TRAF6: variants seen among roughly 807,000 people sequenced by gnomAD.
The protein encoded by TRAF6 is TNF receptor-associated factor 6.
In TRAF6, 10 loss-of-function variants were observed where a neutral mutation model predicts 48.4. That is an observed-to-expected ratio of 0.21 (90% confidence interval 0.13 to 0.35). The LOEUF is 0.35. Among genes scored for constraint, TRAF6 ranks in the 10% least tolerant of loss-of-function variants. The pLI, the probability that TRAF6 is intolerant of heterozygous loss-of-function variation, is 1.00. For missense variants in TRAF6, 397 were observed against 661.0 expected (o/e 0.60, Z 4.38); for synonymous variants, 186 against 219.6 (o/e 0.85, Z 1.35).
chr11:36,484,182 T>C lies in TRAF6; in HGVS notation c.*5656A>G, dbSNP rs1344290792. 6.6e-6 allele frequency among the ~76,000 whole-genome samples: 1 copy of C among 152,228 alleles called. No homozygotes were observed. Among genetic ancestry groups the C allele is most frequent in the African/African-American group, 2.4e-5 (1 of 41,460 alleles). On this transcript the variant is annotated 3_prime_UTR_variant, in exon 7 of 7. Coordinates refer to ENST00000526995, the MANE Select transcript of TRAF6 (RefSeq NM_004620.4). ...GTTTTATGCGCTCCGTGCATGCTGATGGTGCAGGGAGTGGTGGAAGATGTG... is the reference window on the plus strand; with the variant it reads ...GTTTTATGCGCTCCGTGCATGCTGACGGTGCAGGGAGTGGTGGAAGATGTG...
chr11:36,505,051 G>A (rs559920490), intron 1 of TRAF6, among the ~76,000 whole-genome samples: 11 of 152,324 alleles, frequency 7.2e-5, no homozygotes, highest in Non-Finnish European at 1.3e-4. Flanking sequence ...AGCACAGGCA[G>A]AGTAGATTTA....
rs1252147771 is a variant in TRAF6, at chr11:36,507,692, A to ATATATGTATACATACACGC, written c.-23+2355_-23+2356insGCGTGTATGTATACATATA. ...GCGTGTATATATGTATACATACACG[A>ATATATGTATACATACACGC]GCGTGTATATATGTATACATACACG... On this transcript the variant is annotated intron_variant, in intron 1 of 6. Transcript: ENST00000526995. 1.2e-4 allele frequency among the ~76,000 whole-genome samples: 5 copies of ATATATGTATACATACACGC among 40,528 alleles called. 2 individuals carry two copies. The highest frequency in any genetic ancestry group is 5.7e-4 in the African/African-American group (5 of 8,798). 26.6% of individuals were successfully genotyped at this position (40,528 alleles called of 152,430 possible). A position where few individuals can be genotyped will look rare whatever the true frequency, so the allele number is the denominator to read the frequency against.
At chr11:36,508,528 G>A (rs899438382) in intron 1 of TRAF6, among the ~76,000 whole-genome samples, 1 of 152,120 alleles carries the variant, frequency 6.6e-6, no homozygotes, top group Non-Finnish European at 1.5e-5. Context: ...AAGGAGGTAT[G>A]TGCCAAGTTA....
Position 36,490,347 on chromosome 11 carries a change from T to C in TRAF6, c.1060A>G (p.Ile354Val). The change falls in exon 7 of 7, where the codon ATT becomes GTT. Residue 354 changes from isoleucine (I) to valine (V), a missense_variant. Physicochemically the swap from Ile to Val is conservative, Grantham distance 29 (BLOSUM62 3). Transcript: ENST00000526995. This position sits in a 1 kb window ranked among gnomAD's most constrained non-coding sequence, Gnocchi z 6.4. Reference sequence around the variant, plus strand: ...ATTCCAAAGTTGCCAATCTTCCAAATATAAATTCCATTGCACTGCTGTGCT... The same window carrying C: ...ATTCCAAAGTTGCCAATCTTCCAAACATAAATTCCATTGCACTGCTGTGCT... ...IEAQQCNGIY[I>V]WKIGNFGMHL... 2.5e-6 allele frequency: 4 copies of C among 1,614,210 alleles called. No homozygotes were observed. Among genetic ancestry groups the C allele is most frequent in the Non-Finnish European group, 3.4e-6 (4 of 1,180,044 alleles).
intron 1 of TRAF6, among the ~76,000 whole-genome samples, chr11:36,506,727 G>A (rs1859789626): frequency 6.6e-6 from 1 of 152,148 alleles, no homozygotes; most frequent in South Asian, 2.1e-4. Flanking sequence ...TGGGAATGCA[G>A]TGTGACACAT....
chr11:36,497,037 C>A (rs1859647047), intron 4 of TRAF6, 71 bp downstream of exon 4: 1 of 1,494,028 alleles, frequency 6.7e-7, no homozygotes, highest in Non-Finnish European at 9.1e-7. Context: ...TACTGCTAAC[C>A]CCCTCAAGTA....
At chr11:36,506,990 G>C (rs1026680300) in intron 1 of TRAF6, among the ~76,000 whole-genome samples, 2 of 151,622 alleles carry the variant, frequency 1.3e-5, no homozygotes, top group African/African-American at 2.4e-5. Context: ...TTTAAGAACT[G>C]CAATGACTTA....
At chr11:36,492,300 G>A (rs1258859113) in intron 6 of TRAF6, among the ~76,000 whole-genome samples, 1 of 152,076 alleles carries the variant, frequency 6.6e-6, no homozygotes, top group African/African-American at 2.4e-5. Flanking sequence ...TCTCTCCTTT[G>A]TCTTCTTGGA....
At chr11:36,497,874 T>G (rs1161003994) in intron 3 of TRAF6, among the ~76,000 whole-genome samples, 1 of 151,658 alleles carries the variant, frequency 6.6e-6, no homozygotes, top group Non-Finnish European at 1.5e-5. Context: ...GATTAAAATG[T>G]GACACTTGTA....
intron 5 of TRAF6, among the ~76,000 whole-genome samples, chr11:36,492,913 C>T (rs1469302337): frequency 1.3e-5 from 2 of 152,110 alleles, no homozygotes; most frequent in Non-Finnish European, 2.9e-5. Context: ...TCTAGTGGCA[C>T]TTTACAGAAA....
At chr11:36,491,482 T>A (rs1859562911) in intron 6 of TRAF6, among the ~76,000 whole-genome samples, 1 of 152,206 alleles carries the variant, frequency 6.6e-6, no homozygotes, top group African/African-American at 2.4e-5. Context: ...TTTTATTTTT[T>A]AAATTATTAA....
At chr11:36,504,845 G>A (rs1859763813) in intron 1 of TRAF6, among the ~76,000 whole-genome samples, 2 of 152,164 alleles carry the variant, frequency 1.3e-5, no homozygotes, top group Admixed American at 6.5e-5. Context: ...TATATTAGCA[G>A]GCATGAAAAC....
Position 36,485,910 on chromosome 11 carries a change from A to G in TRAF6, c.*3928T>C, listed in dbSNP as rs1029214214. On this transcript the variant is annotated 3_prime_UTR_variant, in exon 7 of 7. Coordinates refer to ENST00000526995, the MANE Select transcript of TRAF6 (RefSeq NM_004620.4). ...AACTAACTTACAGTCCATCATGTCA[A>G]TCTGGGAGTTTAGAAAAAGCACACT... Among the ~76,000 whole-genome samples, 3 of 152,178 alleles carry G rather than the reference A, an allele frequency of 2.0e-5. No individual in the cohort carries two copies. Among genetic ancestry groups the G allele is most frequent in the African/African-American group, 7.2e-5 (3 of 41,402 alleles).
chr11:36,492,716 G>T, intron 5 of TRAF6, 88 bp from the exon 6 acceptor site: 1 of 1,027,148 alleles, frequency 9.7e-7, no homozygotes, highest in Non-Finnish European at 1.5e-6. Flanking sequence ...TATTGTCAAT[G>T]GCTGCTTTGT....
chr11:36,496,934 G>A (rs1241452683), intron 4 of TRAF6, among the ~76,000 whole-genome samples, 174 bp downstream of exon 4: 1 of 152,130 alleles, frequency 6.6e-6, no homozygotes, highest in Non-Finnish European at 1.5e-5. Flanking sequence ...CTACACTTAT[G>A]TACTAAAATG....
In TRAF6 at chr11:36,484,774, A is replaced by G. The variant is rs989237105; in HGVS notation, c.*5064T>C. On this transcript the variant is annotated 3_prime_UTR_variant, in exon 7 of 7. Coordinates refer to ENST00000526995, the MANE Select transcript of TRAF6 (RefSeq NM_004620.4). ...ATAAACAAAATAGGCCCCAAATTAC[A>G]TTCTCACCACAGAAATTAGATAATT... Among the ~76,000 whole-genome samples, 6 of 152,214 alleles carry G rather than the reference A, an allele frequency of 3.9e-5. No homozygotes were observed. The highest frequency in any genetic ancestry group is 1.4e-4 in the African/African-American group (6 of 41,448).
In TRAF6 at chr11:36,496,024, A is replaced by G. The variant is rs185487446; in HGVS notation, c.607-977T>C. Reference sequence around the variant, plus strand: ...TAATGGATAAAATATGCTTGATCTCAAAGTGGGGAAAAACTGCCAACGTGA... The same window carrying G: ...TAATGGATAAAATATGCTTGATCTCGAAGTGGGGAAAAACTGCCAACGTGA... On this transcript the variant is annotated intron_variant, in intron 4 of 6. Coordinates refer to ENST00000526995, the MANE Select transcript of TRAF6 (RefSeq NM_004620.4). Among the ~76,000 whole-genome samples the G allele has an allele frequency of 3.3e-5, 5 of 152,324 alleles. No homozygotes were observed. The East Asian group carries it at 9.6e-4, about 29-fold the overall frequency.
In TRAF6 at chr11:36,484,170, C is replaced by T. The variant is rs553388757; in HGVS notation, c.*5668G>A. 3.1e-3 allele frequency among the ~76,000 whole-genome samples: 469 copies of T among 152,292 alleles called. 3 individuals carry two copies. The highest frequency in any genetic ancestry group is 4.7e-3 in the Non-Finnish European group (317 of 68,026). On this transcript the variant is annotated 3_prime_UTR_variant, in exon 7 of 7. Coordinates refer to ENST00000526995, the MANE Select transcript of TRAF6 (RefSeq NM_004620.4). ...GGAGCAGGGCTTGTTTTATGCGCTCCGTGCATGCTGATGGTGCAGGGAGTG... is the reference window on the plus strand; with the variant it reads ...GGAGCAGGGCTTGTTTTATGCGCTCTGTGCATGCTGATGGTGCAGGGAGTG...
intron 1 of TRAF6, among the ~76,000 whole-genome samples, chr11:36,502,678 G>A (rs180761023): frequency 1.3e-5 from 2 of 152,222 alleles, no homozygotes; most frequent in Non-Finnish European, 1.5e-5. Context: ...AGCACTTGAT[G>A]ACCGCCTACA....
Sources: gnomAD v4.1 joint callset for allele counts (sites outside exome capture counted in the v4.1 genomes callset) on GRCh38, gnomAD v4.1.1 for gene constraint, Gnocchi (gnomAD v3.1) non-coding constraint, MANE v1.5 for transcripts, NCBI Gene and HGNC (gene_info 2026-07-23, HGNC 2026-07-21) for gene names.